The following CACNA2D1 variants were observed in gnomAD, a reference collection of about 807,000 sequenced individuals.
CACNA2D1 encodes voltage-dependent calcium channel subunit alpha-2/delta-1.
Under a neutral mutation model 171.5 loss-of-function variants are expected in CACNA2D1, and 53 were observed. The observed-to-expected ratio is 0.31, with a 90% confidence interval of 0.25 to 0.39. The LOEUF (loss-of-function observed/expected upper bound fraction) is 0.39, where lower values mean the gene tolerates loss of function less well. CACNA2D1 is among the 10% of genes least tolerant of loss of function. CACNA2D1 has a pLI of 1.00. For missense variants in CACNA2D1, 903 were observed against 1,299.8 expected (o/e 0.69, Z 4.69); for synonymous variants, 442 against 443.1 (o/e 1.00, Z 0.03).
At chr7:82,180,200 G>C (rs1247411280) in intron 3 of CACNA2D1, among the ~76,000 whole-genome samples, 1 of 152,122 alleles carries the variant, frequency 6.6e-6, no homozygotes, top group African/African-American at 2.4e-5. Context: ...GGGCAGATTT[G>C]TTTCTTGCCC....
At chr7:82,410,631 T>A in intron 1 of CACNA2D1, 3 of 464,374 alleles carry the variant, frequency 6.5e-6, no homozygotes, top group Non-Finnish European at 8.5e-6. Flanking sequence ...AGAAGGCGAG[T>A]CTGACTGAGC....
At chr7:81,970,820 G>GT (rs1795189926) in intron 26 of CACNA2D1, 83 bp from the exon 27 acceptor site, 1 of 810,484 alleles carries the variant, frequency 1.2e-6, no homozygotes, top group African/African-American at 1.7e-5. Context: ...ACAAAGAGAA[G>GT]TAAGTTTAGG....
chr7:82,338,391 T>C (rs978057676), intron 2 of CACNA2D1, among the ~76,000 whole-genome samples: 1 of 151,996 alleles, frequency 6.6e-6, no homozygotes, highest in Non-Finnish European at 1.5e-5. Flanking sequence ...TGGGGTGCAA[T>C]GGCTATTCAC....
At chr7:82,370,628 T>C (rs1822301024) in intron 1 of CACNA2D1, among the ~76,000 whole-genome samples, 1 of 152,012 alleles carries the variant, frequency 6.6e-6, no homozygotes, top group Non-Finnish European at 1.5e-5. Context: ...TATAAGTAGA[T>C]ACACATACTC....
At chr7:82,160,780 C>G (rs1486282955) in intron 4 of CACNA2D1, among the ~76,000 whole-genome samples, 1 of 152,018 alleles carries the variant, frequency 6.6e-6, no homozygotes, top group East Asian at 1.9e-4. Context: ...GCATTTTCTA[C>G]TATTTTATAA....
At chr7:82,391,292 T>C (rs1825091197) in intron 1 of CACNA2D1, among the ~76,000 whole-genome samples, 1 of 152,236 alleles carries the variant, frequency 6.6e-6, no homozygotes, top group Admixed American at 6.5e-5. Flanking sequence ...AAACAAGTTA[T>C]GTACTTTGCA....
At position 82,211,966 on chromosome 7, in the gene CACNA2D1, C is replaced by T. The variant is rs147239641; in HGVS notation, c.295-41357G>A. ...GGGTACCTCATCGTGGTTTTGTTTGCATTTCTGATTATTAGTGATGTTGAG... is the reference window on the plus strand; with the variant it reads ...GGGTACCTCATCGTGGTTTTGTTTGTATTTCTGATTATTAGTGATGTTGAG... On this transcript the variant is annotated intron_variant, in intron 3 of 38. Coordinates refer to ENST00000356860, the MANE Select transcript of CACNA2D1 (RefSeq NM_000722.4). 3.7e-3 allele frequency among the ~76,000 whole-genome samples: 563 copies of T among 152,158 alleles called. 4 individuals are homozygous for T. The highest frequency in any genetic ancestry group is 0.013 in the African/African-American group (534 of 41,526).
chr7:82,057,722 C>CGTTTG (rs1302950836), intron 10 of CACNA2D1, among the ~76,000 whole-genome samples: 2 of 152,012 alleles, frequency 1.3e-5, no homozygotes, highest in Non-Finnish European at 2.9e-5. Flanking sequence ...CAGAAACCAC[C>CGTTTG]ATTTGAATGG....
At chr7:82,289,613 G>A (rs774407244) in intron 3 of CACNA2D1, among the ~76,000 whole-genome samples, 19 of 152,190 alleles carry the variant, frequency 1.2e-4, no homozygotes, top group Non-Finnish European at 2.5e-4. Flanking sequence ...TTAAGGCATA[G>A]AGGGAAAAAA....
rs553081720 is a variant in CACNA2D1 at position 82,092,888 on chromosome 7, G to A, written c.527-7988C>T. Among the ~76,000 whole-genome samples, 15 of 151,698 alleles carry A rather than the reference G, an allele frequency of 9.9e-5. No homozygotes were observed. The East Asian group carries it at 1.4e-3, about 14-fold the overall frequency. On this transcript the variant is annotated intron_variant, in intron 6 of 38. Coordinates refer to ENST00000356860, the MANE Select transcript of CACNA2D1 (RefSeq NM_000722.4). ...TTAAAAAGAGAAATAAAATGTGTGCGTTTAAAAAAACATCAGAAACTCTGA... is the reference window on the plus strand; with the variant it reads ...TTAAAAAGAGAAATAAAATGTGTGCATTTAAAAAAACATCAGAAACTCTGA...
At chr7:82,254,355 T>C (rs1806025976) in intron 3 of CACNA2D1, among the ~76,000 whole-genome samples, 1 of 152,166 alleles carries the variant, frequency 6.6e-6, no homozygotes, top group Non-Finnish European at 1.5e-5. Flanking sequence ...TCACTTTGCT[T>C]TAAACCTTTC....
intron 7 of CACNA2D1, among the ~76,000 whole-genome samples, chr7:82,073,652 G>A (rs181009146): frequency 1.0e-3 from 154 of 152,266 alleles, no homozygotes; most frequent in African/African-American, 3.5e-3. Context: ...CCAGGCGTGA[G>A]TGCAATGGTG....
chr7:82,220,162 G>A (rs1368499595), intron 3 of CACNA2D1, among the ~76,000 whole-genome samples: 1 of 152,088 alleles, frequency 6.6e-6, no homozygotes. Flanking sequence ...TAACATCTAC[G>A]AAAATGTTCA....
intron 10 of CACNA2D1, among the ~76,000 whole-genome samples, chr7:82,040,894 G>T (rs952215930): frequency 3.3e-5 from 5 of 152,128 alleles, no homozygotes; most frequent in Non-Finnish European, 5.9e-5. Context: ...AGAATCACTT[G>T]AACCAGGGAG....
intron 3 of CACNA2D1, among the ~76,000 whole-genome samples, chr7:82,187,161 AAAAG>A (rs1475151250): frequency 1.3e-5 from 2 of 152,204 alleles, no homozygotes; most frequent in Non-Finnish European, 2.9e-5. Flanking sequence ...GGCAAATACT[AAAAG>A]AAACAAACAA....
At chr7:82,005,292 A>C in intron 18 of CACNA2D1, 131 bp downstream of exon 18, 1 of 687,158 alleles carries the variant, frequency 1.5e-6, no homozygotes, top group Non-Finnish European at 2.6e-6. Context: ...TCATCTAAGA[A>C]GAGAGACGCA....
At chr7:82,218,455 G>A (rs1408579181) in intron 3 of CACNA2D1, among the ~76,000 whole-genome samples, 1 of 152,176 alleles carries the variant, frequency 6.6e-6, no homozygotes, top group Non-Finnish European at 1.5e-5. Context: ...AAACAGCAAA[G>A]TGATTTGCAG....
chr7:82,385,744 G>A (rs4728503), intron 1 of CACNA2D1, among the ~76,000 whole-genome samples: 7,006 of 151,722 alleles, frequency 0.046, 355 homozygotes, highest in East Asian at 0.17. Flanking sequence ...GGCTCACTGC[G>A]ACATCCATCT....
chr7:82,405,676 C>T (rs1585843720), intron 1 of CACNA2D1, among the ~76,000 whole-genome samples: 1 of 152,178 alleles, frequency 6.6e-6, no homozygotes, highest in East Asian at 1.9e-4. Flanking sequence ...ACAATTGGAA[C>T]TACTTTTCAA....
Sources: allele counts gnomAD v4.1 joint callset (sites outside exome capture counted in the v4.1 genomes callset), GRCh38; gene constraint gnomAD v4.1.1; transcripts MANE v1.5; gene names NCBI Gene and HGNC (gene_info 2026-07-23, HGNC 2026-07-21).